TMEM120B: variants seen among roughly 807,000 people sequenced by gnomAD.
TMEM120B encodes the protein transmembrane protein 120B.
TMEM120B carries 31 observed loss-of-function variants against 55.5 expected under a neutral mutation model. The observed-to-expected ratio is 0.56, with a 90% CI of 0.42 to 0.75. The LOEUF is 0.75. Among genes scored for constraint, TMEM120B ranks in the 30% least tolerant of loss-of-function variants. The probability of loss-of-function intolerance (pLI) is 0.00; values close to 1 mark genes in which losing one functional copy is unlikely to be tolerated. For missense variants in TMEM120B, 399 were observed against 425.5 expected, an observed-to-expected ratio of 0.94 and a Z score of 0.55; for synonymous variants, 203 against 176.3, an observed-to-expected ratio of 1.15 and a Z score of -1.20.
intron 1 of TMEM120B, among the ~76,000 whole-genome samples, chr12:121,735,346 A>AT (rs1434492807): frequency 1.3e-5 from 2 of 152,194 alleles, no homozygotes; most frequent in Non-Finnish European, 2.9e-5. Context: ...ATTAAAGAGA[A>AT]TAAATAGATT....
intron 1 of TMEM120B, among the ~76,000 whole-genome samples, chr12:121,732,750 C>T (rs952859764): frequency 6.6e-6 from 1 of 152,082 alleles, no homozygotes; most frequent in Admixed American, 6.6e-5. Context: ...GAGGCCGAGG[C>T]AGGTGGATCA....
intron 8 of TMEM120B, among the ~76,000 whole-genome samples, chr12:121,772,438 C>CTT (rs113833541): frequency 8.6e-5 from 11 of 128,512 alleles, no homozygotes; most frequent in African/African-American, 2.2e-4. Flanking sequence ...CCGTTTCTTT[C>CTT]TTTTTTTTTT....
rs772360673 is a variant in TMEM120B, at chr12:121,750,398, C to G, written c.324C>G (p.Val108=). ...PKKNGLYLNL[V]LGNVNVTLLS... ...CTTCCAGGCTCTACTTGAACCTGGT[C>G]CTCGGCAATGTGAACGTGACCCTCC... is the stretch of plus-strand genomic sequence containing the variant. Residue 108 remains valine, a synonymous_variant, in exon 4 of 12, where the codon GTC becomes GTG. Transcript: ENST00000449592. 1.2e-6 allele frequency: 2 copies of G among 1,612,404 alleles called. No individual in the cohort carries two copies. The highest frequency in any genetic ancestry group is 1.3e-5 in the African/African-American group (1 of 74,644).
chr12:121,746,219 C>T (rs778554452), intron 2 of TMEM120B, among the ~76,000 whole-genome samples: 1 of 142,910 alleles, frequency 7.0e-6, no homozygotes, highest in African/African-American at 2.7e-5. Flanking sequence ...CAGAGTTTCG[C>T]TCTTGTTGCC....
intron 5 of TMEM120B, among the ~76,000 whole-genome samples, chr12:121,761,365 C>T (rs1023919817): frequency 2.6e-5 from 4 of 152,148 alleles, no homozygotes; most frequent in Non-Finnish European, 5.9e-5. Context: ...AGACAGGTTG[C>T]CCTGGGCTGA....
intron 1 of TMEM120B, among the ~76,000 whole-genome samples, chr12:121,724,902 G>A (rs1171067952): frequency 6.6e-6 from 1 of 152,062 alleles, no homozygotes; most frequent in Non-Finnish European, 1.5e-5. Context: ...GAGCCACCGC[G>A]CCTGGCCAAC....
At chr12:121,737,879 G>A (rs928365485) in intron 1 of TMEM120B, among the ~76,000 whole-genome samples, 2 of 151,800 alleles carry the variant, frequency 1.3e-5, no homozygotes, top group Non-Finnish European at 2.9e-5. Flanking sequence ...ACATGGTGGT[G>A]CACGCCTGTA....
At chr12:121,773,578 A>C in intron 9 of TMEM120B, 65 bp downstream of exon 9, 2 of 1,299,386 alleles carry the variant, frequency 1.5e-6, no homozygotes, top group Non-Finnish European at 2.1e-6. Context: ...CCACACCGGG[A>C]GTGCAGCCCT....
In TMEM120B at chr12:121,752,189, G is replaced by A. The variant is rs1873352224; in HGVS notation, c.427G>A (p.Gly143Ser). 1 of 1,613,678 alleles carries A rather than the reference G, an allele frequency of 6.2e-7. No homozygotes were observed. The highest frequency in any genetic ancestry group is 1.3e-5 in the African/African-American group (1 of 74,918). The change falls in exon 5 of 12, where the codon GGT (glycine) becomes AGT (serine). Residue 143 changes from glycine to serine, a missense_variant. Gly to Ser is a moderately conservative substitution (Grantham distance 56). Coordinates refer to ENST00000449592, the MANE Select transcript of TMEM120B (RefSeq NM_001080825.2). ...KLYLTIILLL[G>S]AVACRFVLHY... ...CTACCTGACCATCATCCTGCTCCTG[G>A]GTGCCGTGGCATGTCGATTTGTCCT...
intron 9 of TMEM120B, among the ~76,000 whole-genome samples, chr12:121,773,946 GCTAT>G (rs1208288198): frequency 8.9e-5 from 13 of 146,384 alleles, no homozygotes; most frequent in Admixed American, 6.8e-4. Flanking sequence ...ATACAACTCT[GCTAT>G]CTTTTTTTTT....
Position 121,759,236 on chromosome 12 carries a change from C to T in TMEM120B, c.462-2413C>T, listed in dbSNP as rs182442951. The stretch of plus-strand genomic sequence containing the variant: ...CCAAGTCTCCTGTTCTTAAAGTTCT[C>T]CCGTTAGTGGTGGTAGTATTCAAGT... On this transcript the variant is annotated intron_variant, in intron 5 of 11. Coordinates refer to ENST00000449592, the MANE Select transcript of TMEM120B (RefSeq NM_001080825.2). Among the ~76,000 whole-genome samples, 222 of 141,794 alleles carry T rather than the reference C, an allele frequency of 1.6e-3. 1 individual carries two copies. Among genetic ancestry groups the T allele is most frequent in the African/African-American group, 6.1e-3 (218 of 35,550 alleles). 93.0% of individuals were successfully genotyped at this position (141,794 alleles called of 152,430 possible).
intron 1 of TMEM120B, among the ~76,000 whole-genome samples, chr12:121,741,398 C>T (rs1396731849): frequency 1.3e-5 from 2 of 152,142 alleles, no homozygotes; most frequent in Non-Finnish European, 2.9e-5. Flanking sequence ...GGCGCGATCT[C>T]GGCTCACCAC....
At chr12:121,758,268 A>C (rs1873542132) in intron 5 of TMEM120B, 1 of 985,470 alleles carries the variant, frequency 1.0e-6, no homozygotes. Flanking sequence ...CACAGATTGC[A>C]GGGCTGAGGC....
In TMEM120B at chr12:121,748,406, T is replaced by C. The variant is rs759791047; in HGVS notation, c.269T>C (p.Phe90Ser). The C allele has an allele frequency of 6.2e-7, 1 of 1,610,846 alleles. No homozygotes were observed. The highest frequency in any genetic ancestry group is 8.5e-7 in the Non-Finnish European group (1 of 1,178,608). Residue 90 changes from phenylalanine (F) to serine (S), a missense_variant, in exon 3 of 12, where the codon TTC (phenylalanine) becomes TCC (serine). Transcript: ENST00000449592. Reference sequence around the variant, plus strand: ...AACATCAAGGAGCGGCAGGACGTCTTCTTCGACATGGAGGCCTACCTGCCC... The same window carrying C: ...AACATCAAGGAGCGGCAGGACGTCTCCTTCGACATGGAGGCCTACCTGCCC... ...AANIKERQDV[F>S]FDMEAYLPKK...
intron 5 of TMEM120B, among the ~76,000 whole-genome samples, chr12:121,756,878 G>A (rs1873490029): frequency 6.6e-6 from 1 of 152,200 alleles, no homozygotes. Context: ...GGGACTGTGG[G>A]CAAGTCAGTT....
chr12:121,777,578 C>G lies in TMEM120B; in HGVS notation c.*1856C>G, dbSNP rs149718393. The G allele has an allele frequency of 2.6e-5, 4 of 152,252 alleles. No homozygotes were observed. The highest frequency in any genetic ancestry group is 4.4e-5 in the Non-Finnish European group (3 of 68,062). 9.4% of individuals were successfully genotyped at this position (152,252 alleles called of 1,614,324 possible). On this transcript the variant is annotated 3_prime_UTR_variant, in exon 12 of 12. Coordinates refer to ENST00000449592, the MANE Select transcript of TMEM120B (RefSeq NM_001080825.2). The stretch of plus-strand genomic sequence containing the variant: ...CCCTGCCACCCCCCTGCCCTTCATT[C>G]TGGTCTCCTTTCTGGTCCTTTTTAG...
rs1011450995 is a variant in TMEM120B, at chr12:121,756,083, A to C, written c.461+3860A>C. On this transcript the variant is annotated intron_variant, in intron 5 of 11. Transcript: ENST00000449592. ...TATGCAAAATGCCTGCAAGGTTATA[A>C]GTTCCCAATAATTAGTCTCTGCCTA... Among the ~76,000 whole-genome samples the C allele has an allele frequency of 3.9e-5, 6 of 152,300 alleles. No homozygotes were observed. The East Asian group carries it at 1.2e-3, about 29-fold the overall frequency.
intron 5 of TMEM120B, among the ~76,000 whole-genome samples, chr12:121,752,810 G>T (rs1033901557): frequency 7.2e-5 from 11 of 151,950 alleles, no homozygotes; most frequent in Non-Finnish European, 1.2e-4. Flanking sequence ...GCTATGAAGA[G>T]AAATGAAAAG....
In TMEM120B at chr12:121,775,109, C is replaced by T. The variant is rs368743483; in HGVS notation, c.885C>T (p.His295=). 3.0e-5 allele frequency: 47 copies of T among 1,585,664 alleles called. No individual in the cohort carries two copies. The Admixed American group carries it at 4.6e-4, about 16-fold the overall frequency. ...NAVTLFELSS[H]EECREWQVFV... ...TCACGCTGTTTGAGCTCTCCAGCCACGAGGAATGCAGAGAATGGCAGGTAT... is the reference window on the plus strand; with the variant it reads ...TCACGCTGTTTGAGCTCTCCAGCCATGAGGAATGCAGAGAATGGCAGGTAT... Residue 295 remains histidine (H), a synonymous_variant, in exon 11 of 12, where the codon CAC becomes CAT. Transcript: ENST00000449592. The surrounding 1 kb of genome is among the most constrained non-coding windows in gnomAD (Gnocchi z 4.3).
Sources: gnomAD v4.1 joint callset for allele counts (sites outside exome capture counted in the v4.1 genomes callset) on GRCh38, gnomAD v4.1.1 for gene constraint, Gnocchi (gnomAD v3.1) non-coding constraint, MANE v1.5 for transcripts, NCBI Gene and HGNC (gene_info 2026-07-23, HGNC 2026-07-21) for gene names.